Variants in IL1RAP observed in about 807,000 individuals in gnomAD.
IL1RAP encodes the protein interleukin 1 receptor accessory protein.
Under a neutral mutation model 60.7 loss-of-function variants are expected in IL1RAP, and 35 were observed. The observed-to-expected ratio is 0.58, with a 90% CI of 0.44 to 0.76. The LOEUF (loss-of-function observed/expected upper bound fraction) is 0.76. Ranked by LOEUF, IL1RAP falls within the 30% of genes least tolerant of loss-of-function variation. The pLI is 0.00. For missense variants in IL1RAP, 572 were observed against 693.9 expected, an observed-to-expected ratio of 0.82 and a Z score of 1.97; for synonymous variants, 268 against 250.9, an observed-to-expected ratio of 1.07 and a Z score of -0.64.
downstream of IL1RAP, among the ~76,000 whole-genome samples, chr3:190,654,672 T>A (rs1190790923): frequency 6.6e-6 from 1 of 152,196 alleles, no homozygotes; most frequent in Non-Finnish European, 1.5e-5. Flanking sequence ...CAATGACCAA[T>A]GCAAACTTTC....
At chr3:190,516,650 C>T (rs1420103155) in intron 1 of IL1RAP, among the ~76,000 whole-genome samples, 1 of 152,096 alleles carries the variant, frequency 6.6e-6, no homozygotes, top group South Asian at 2.1e-4. Flanking sequence ...CAAATTCCAG[C>T]TCTCATGCCT....
At chr3:190,598,596 AT>A (rs1729586852) in intron 3 of IL1RAP, among the ~76,000 whole-genome samples, 1 of 152,092 alleles carries the variant, frequency 6.6e-6, no homozygotes, top group South Asian at 2.1e-4. Context: ...ATTAAAAAAA[AT>A]CAAAATAATT....
At chr3:190,607,002 C>T (rs887519798) in intron 4 of IL1RAP, among the ~76,000 whole-genome samples, 1 of 152,102 alleles carries the variant, frequency 6.6e-6, no homozygotes, top group Non-Finnish European at 1.5e-5. Flanking sequence ...TAACTTCCAC[C>T]TATAGAATCT....
rs562303660 is a variant in IL1RAP, at chr3:190,521,991, C to T, written c.-89+7772C>T. ...CTTTCTTCTTTTGAGCTCTTAGTGCCCACAGAAGAGGCTTGACTCTCATTA... is the reference window on the plus strand; with the variant it reads ...CTTTCTTCTTTTGAGCTCTTAGTGCTCACAGAAGAGGCTTGACTCTCATTA... On this transcript the variant is annotated intron_variant, in intron 1 of 11. Coordinates refer to ENST00000447382, the MANE Select transcript of IL1RAP (RefSeq NM_002182.4). Among the ~76,000 whole-genome samples the T allele has an allele frequency of 2.0e-5, 3 of 152,148 alleles. 1 individual carries two copies. The East Asian group carries it at 5.8e-4, about 29-fold the overall frequency.
rs558870492 is a variant in IL1RAP at position 190,587,186 on chromosome 3, A to G, written c.65-16942A>G. Reference sequence around the variant, plus strand: ...AACTGAATCCCAAAGCAGGAAAGTGACTTGGTCACAGTCAGCATTAAATTT... The same window carrying G: ...AACTGAATCCCAAAGCAGGAAAGTGGCTTGGTCACAGTCAGCATTAAATTT... On this transcript the variant is annotated intron_variant, in intron 3 of 11. Coordinates refer to ENST00000447382, the MANE Select transcript of IL1RAP (RefSeq NM_002182.4). 3.3e-5 allele frequency among the ~76,000 whole-genome samples: 5 copies of G among 152,306 alleles called. No homozygotes were observed. In the South Asian group the frequency reaches 1.0e-3, roughly 32 times the overall value.
intron 7 of IL1RAP, among the ~76,000 whole-genome samples, chr3:190,625,729 G>T (rs1248880335): frequency 1.3e-5 from 2 of 152,092 alleles, no homozygotes; most frequent in Non-Finnish European, 2.9e-5. Context: ...AATATGACTT[G>T]CTTTGTGAAA....
chr3:190,561,072 T>C (rs1725845622), intron 2 of IL1RAP, among the ~76,000 whole-genome samples: 1 of 152,160 alleles, frequency 6.6e-6, no homozygotes, highest in Non-Finnish European at 1.5e-5. Context: ...CAGGGTCTGT[T>C]AGGCCCCATT....
At position 190,645,614 on chromosome 3, in the gene IL1RAP, A is replaced by G. The variant is rs1733960429; in HGVS notation, c.1202-85A>G. 19 of 1,059,402 alleles carry G rather than the reference A, an allele frequency of 1.8e-5. No individual in the cohort carries two copies. In the South Asian group the frequency reaches 2.8e-4, roughly 16 times the overall value. The allele number at this position is 1,059,402 out of a possible 1,614,324, so 65.6% of individuals were successfully genotyped here. On this transcript the variant is annotated intron_variant, in intron 10 of 11. Coordinates refer to ENST00000447382, the MANE Select transcript of IL1RAP (RefSeq NM_002182.4). ...AATCTGTCACATAATGAAAATGTCT[A>G]ATATGCAGAAGTTAGATTTAAGAAA...
chr3:190,569,062 G>A (rs965547023), intron 3 of IL1RAP, among the ~76,000 whole-genome samples: 1 of 152,158 alleles, frequency 6.6e-6, no homozygotes, highest in African/African-American at 2.4e-5. Context: ...CTCTTATTTG[G>A]GAATGAAATA....
intron 1 of IL1RAP, among the ~76,000 whole-genome samples, chr3:190,525,010 G>A (rs971521520): frequency 6.6e-6 from 1 of 152,004 alleles, no homozygotes; most frequent in African/African-American, 2.4e-5. Context: ...GTGTGTACAT[G>A]TATATATGTG....
intron 1 of IL1RAP, among the ~76,000 whole-genome samples, chr3:190,540,928 T>C (rs1577542321): frequency 6.6e-6 from 1 of 152,272 alleles, no homozygotes; most frequent in Non-Finnish European, 1.5e-5. Flanking sequence ...TGTCCTCAAG[T>C]AAGCTTGACA....
chr3:190,650,219 G>A lies in IL1RAP; in HGVS notation c.*1514G>A, dbSNP rs1344246941. The A allele has an allele frequency of 7.1e-6, 7 of 984,632 alleles. No homozygotes were observed. Among genetic ancestry groups the A allele is most frequent in the African/African-American group, 1.7e-5 (1 of 57,308 alleles). 61.0% of individuals were successfully genotyped at this position (984,632 alleles called of 1,614,324 possible). ...TCAGTGTTTTCTGTACATATTATTT[G>A]TTAATTCACAGCTCACAGAGTGATA... On this transcript the variant is annotated 3_prime_UTR_variant, in exon 12 of 12. Transcript: ENST00000447382.
intron 2 of IL1RAP, among the ~76,000 whole-genome samples, chr3:190,561,078 C>A (rs534516063): frequency 3.9e-5 from 6 of 152,178 alleles, no homozygotes; most frequent in African/African-American, 1.4e-4. Flanking sequence ...CTGTTAGGCC[C>A]CATTGCAATA....
chr3:190,608,956 T>C, intron 4 of IL1RAP, 39 bp from the exon 5 acceptor site: 1 of 1,526,332 alleles, frequency 6.6e-7, no homozygotes, highest in South Asian at 1.2e-5. Flanking sequence ...TGAAATCAAA[T>C]GCAAATACTA....
Position 190,645,690 on chromosome 3 carries a change from T to C in IL1RAP, c.1202-9T>C. The C allele has an allele frequency of 1.2e-6, 2 of 1,603,404 alleles. No individual in the cohort carries two copies. The highest frequency in any genetic ancestry group is 1.7e-6 in the Non-Finnish European group (2 of 1,172,772). On this transcript the variant is annotated splice_polypyrimidine_tract_variant and intron_variant, in intron 10 of 11. Coordinates refer to ENST00000447382, the MANE Select transcript of IL1RAP (RefSeq NM_002182.4). ...CTAATTTACATTGTATCTGTGTTCCTTTTGCTAGATGGAAAAGAGTATGAT... is the reference window on the plus strand; with the variant it reads ...CTAATTTACATTGTATCTGTGTTCCCTTTGCTAGATGGAAAAGAGTATGAT...
rs1356317357 is a variant in IL1RAP at position 190,644,327 on chromosome 3, T to C, written c.1131T>C (p.Val377=). Residue 377 remains valine (V), a synonymous_variant, in exon 10 of 12, where the codon GTT becomes GTC. Transcript: ENST00000447382. ...TGCTAGTGGTGATTCTCATTGTTGT[T>C]TACCATGTTTACTGGCTAGAGATGG... is the stretch of plus-strand genomic sequence containing the variant. ...TVLLVVILIV[V]YHVYWLEMVL... is the part of the protein sequence containing the mutation. 1 of 1,614,108 alleles carries C rather than the reference T, an allele frequency of 6.2e-7. No individual in the cohort carries two copies. Among genetic ancestry groups the C allele is most frequent in the Non-Finnish European group, 8.5e-7 (1 of 1,179,966 alleles).
At chr3:190,627,502 A>G (rs1317173171) in intron 8 of IL1RAP, 53 bp downstream of exon 8, 11 of 1,563,154 alleles carry the variant, frequency 7.0e-6, no homozygotes, top group Middle Eastern at 1.7e-4. Context: ...CAACTTAATG[A>G]TCTCTGATGT....
intron 3 of IL1RAP, among the ~76,000 whole-genome samples, chr3:190,600,349 A>G (rs1729749233): frequency 6.6e-6 from 1 of 152,220 alleles, no homozygotes. Flanking sequence ...GTTCAGTGCT[A>G]GAAGAGTGGG....
intron 4 of IL1RAP, among the ~76,000 whole-genome samples, chr3:190,608,145 G>A (rs1029330465): frequency 3.3e-5 from 5 of 152,114 alleles, no homozygotes; most frequent in African/African-American, 4.8e-5. Flanking sequence ...AGCAGAACAG[G>A]GGATATGTTC....
Sources: gnomAD v4.1 joint callset for allele counts (sites outside exome capture counted in the v4.1 genomes callset) on GRCh38, gnomAD v4.1.1 for gene constraint, MANE v1.5 for transcripts, NCBI Gene and HGNC (gene_info 2026-07-23, HGNC 2026-07-21) for gene names.